PRR5L: variants seen among roughly 807,000 people sequenced by gnomAD.
PRR5L encodes proline-rich protein 5-like.
Under a neutral mutation model 36.4 loss-of-function variants are expected in PRR5L, and 21 were observed. The ratio of observed to expected loss-of-function variants is 0.58; its 90% CI spans 0.41 to 0.83. PRR5L has a LOEUF of 0.83. PRR5L is among the 40% of genes least tolerant of loss of function. PRR5L has a pLI of 0.00. For missense variants in PRR5L, 381 were observed against 473.3 expected, an observed-to-expected ratio of 0.80 and a Z score of 1.81; for synonymous variants, 188 against 197.0, an observed-to-expected ratio of 0.95 and a Z score of 0.38.
chr11:36,452,088 A>T (rs1312842086), intron 8 of PRR5L, among the ~76,000 whole-genome samples: 1 of 152,242 alleles, frequency 6.6e-6, no homozygotes, highest in African/African-American at 2.4e-5. Flanking sequence ...ATAATAATAA[A>T]AAACCCAGTT....
At chr11:36,401,547 C>T (rs1446415462) in intron 2 of PRR5L, among the ~76,000 whole-genome samples, 2 of 152,168 alleles carry the variant, frequency 1.3e-5, no homozygotes, top group Non-Finnish European at 2.9e-5. Flanking sequence ...GCCCCAGCCT[C>T]CCGAGTAGCT....
chr11:36,446,455 G>C lies in PRR5L; in HGVS notation c.585+15G>C. ...TCATCCTGCAGGTGAGGCTGTGCTG[G>C]AGACTTGCCCCAAGGCAGAGGGAGG... On this transcript the variant is annotated intron_variant, in intron 7 of 8. Transcript: ENST00000530639. 1 of 1,613,524 alleles carries C rather than the reference G, an allele frequency of 6.2e-7. No individual in the cohort carries two copies. Among genetic ancestry groups the C allele is most frequent in the East Asian group, 2.2e-5 (1 of 44,868 alleles).
intron 1 of PRR5L, among the ~76,000 whole-genome samples, chr11:36,395,209 G>T (rs1857634126): frequency 6.6e-6 from 1 of 152,126 alleles, no homozygotes; most frequent in African/African-American, 2.4e-5. Flanking sequence ...ACCCATAGGG[G>T]ACTGGTTAAA....
At chr11:36,374,797 G>A (rs1235091120) in intron 1 of PRR5L, among the ~76,000 whole-genome samples, 1 of 152,160 alleles carries the variant, frequency 6.6e-6, no homozygotes, top group Non-Finnish European at 1.5e-5. Context: ...GTAAACTGAG[G>A]CACAGCAAAG....
chr11:36,362,782 T>C (rs1857104628), intron 1 of PRR5L, among the ~76,000 whole-genome samples: 1 of 152,076 alleles, frequency 6.6e-6, no homozygotes. Flanking sequence ...GTGCTGTCAT[T>C]GATTTTATAA....
intron 1 of PRR5L, chr11:36,396,137 T>C (rs965441056): frequency 2.0e-5 from 3 of 152,252 alleles, no homozygotes; most frequent in Non-Finnish European, 4.4e-5. Flanking sequence ...AGGAATCTCC[T>C]GGCAGGCTCA....
At chr11:36,394,116 G>C (rs1434052489) in intron 1 of PRR5L, 1 of 152,216 alleles carries the variant, frequency 6.6e-6, no homozygotes, top group Admixed American at 6.5e-5. Context: ...GGCAATAAAA[G>C]AAACCATAGG....
At position 36,378,234 on chromosome 11, in the gene PRR5L, A is replaced by G. The variant is rs540059471; in HGVS notation, c.-125-22763A>G. Among the ~76,000 whole-genome samples, 6 of 152,332 alleles carry G rather than the reference A, an allele frequency of 3.9e-5. No homozygotes were observed. The East Asian group carries it at 9.6e-4, about 24-fold the overall frequency. On this transcript the variant is annotated intron_variant, in intron 1 of 8. Coordinates refer to ENST00000530639, the MANE Select transcript of PRR5L (RefSeq NM_001160167.2). ...GGAGCTTGCAGAAACTAATTTAGCC[A>G]CATTTAAAATTTAGCCCCTGGTAAG...
intron 1 of PRR5L, among the ~76,000 whole-genome samples, chr11:36,349,279 CAAAAAAAAA>C (rs56844732): frequency 1.9e-5 from 2 of 106,554 alleles, no homozygotes; most frequent in South Asian, 3.2e-4. Context: ...AAGACTCTGC[CAAAAAAAAA>C]AAAAAAAAGA....
chr11:36,374,099 TTCCTTC>T (rs879719941), intron 1 of PRR5L, among the ~76,000 whole-genome samples: 3,204 of 111,458 alleles, frequency 0.029, 70 homozygotes, highest in African/African-American at 0.087. Context: ...CCTTCCTTCC[TTCCTTC>T]CTCTCTCTCT....
At chr11:36,348,496 A>G (rs1856890387) in intron 1 of PRR5L, among the ~76,000 whole-genome samples, 1 of 152,094 alleles carries the variant, frequency 6.6e-6, no homozygotes, top group Non-Finnish European at 1.5e-5. Flanking sequence ...CCATGTGTTT[A>G]TCTCCTTCCT....
intron 5 of PRR5L, 36 bp downstream of exon 5, chr11:36,431,946 T>C (rs770814687): frequency 6.4e-7 from 1 of 1,571,552 alleles, no homozygotes; most frequent in Non-Finnish European, 8.8e-7. Flanking sequence ...CTGGGGCCTC[T>C]GTGACTCAGT....
At chr11:36,389,430 C>T (rs1857521034) in intron 1 of PRR5L, among the ~76,000 whole-genome samples, 1 of 152,152 alleles carries the variant, frequency 6.6e-6, no homozygotes, top group Non-Finnish European at 1.5e-5. Flanking sequence ...TCTAGGTTAT[C>T]TCATTTTCAT....
intron 1 of PRR5L, chr11:36,396,188 G>T (rs1433419769): frequency 1.3e-5 from 2 of 152,236 alleles, no homozygotes; most frequent in Non-Finnish European, 1.5e-5. Context: ...TCCGGCCGGG[G>T]CTGAAGCCCT....
chr11:36,445,380 C>T (rs1858807243), intron 6 of PRR5L, among the ~76,000 whole-genome samples: 2 of 152,142 alleles, frequency 1.3e-5, no homozygotes, highest in African/African-American at 2.4e-5. Flanking sequence ...GGGTTTGAAA[C>T]CCTGCTCTAC....
In PRR5L at chr11:36,377,252, C is replaced by T. The variant is rs1390960053; in HGVS notation, c.-125-23745C>T. ...TGTCCCGTGCGCTGCTGCACGCGCGCGCTCTGCGGACTAGGGTGGGCCAGG... is the reference window on the plus strand; with the variant it reads ...TGTCCCGTGCGCTGCTGCACGCGCGTGCTCTGCGGACTAGGGTGGGCCAGG... On this transcript the variant is annotated intron_variant, in intron 1 of 8. Coordinates refer to ENST00000530639, the MANE Select transcript of PRR5L (RefSeq NM_001160167.2). The surrounding 1 kb of genome is among the most constrained non-coding windows in gnomAD (Gnocchi z 5.1). 1.3e-5 allele frequency among the ~76,000 whole-genome samples: 2 copies of T among 152,196 alleles called. No homozygotes were observed. Among genetic ancestry groups the T allele is most frequent in the African/African-American group, 4.8e-5 (2 of 41,468 alleles).
At chr11:36,399,671 C>T (rs1364778492) in intron 1 of PRR5L, among the ~76,000 whole-genome samples, 3 of 152,214 alleles carry the variant, frequency 2.0e-5, no homozygotes, top group Admixed American at 6.5e-5. Context: ...TGGGCTAAAC[C>T]TACTAAACCG....
intron 1 of PRR5L, among the ~76,000 whole-genome samples, chr11:36,304,995 C>T (rs772751872): frequency 6.6e-5 from 10 of 152,154 alleles, no homozygotes; most frequent in Non-Finnish European, 1.3e-4. Flanking sequence ...CACAGAGTTA[C>T]AATTTAACCC....
intron 1 of PRR5L, chr11:36,321,197 T>C (rs1352274391): frequency 6.6e-6 from 1 of 152,242 alleles, no homozygotes; most frequent in Non-Finnish European, 1.5e-5. Context: ...TGTAATTTGC[T>C]GCGCTTAATA....
Sources: gnomAD v4.1 joint callset for allele counts (sites outside exome capture counted in the v4.1 genomes callset) on GRCh38, gnomAD v4.1.1 for gene constraint, Gnocchi (gnomAD v3.1) non-coding constraint, MANE v1.5 for transcripts, NCBI Gene and HGNC (gene_info 2026-07-23, HGNC 2026-07-21) for gene names.